Variants in CARS1 observed in about 807,000 individuals in gnomAD.
The protein encoded by CARS1 is cysteinyl-tRNA synthetase 1, also known as cysteine--tRNA ligase, cytoplasmic.
A neutral mutation model predicts 106.2 loss-of-function variants in CARS1; 48 were observed. The observed-to-expected ratio is 0.45, with a 90% CI of 0.36 to 0.57. The LOEUF (loss-of-function observed/expected upper bound fraction) is 0.57, where lower values mean the gene tolerates loss of function less well. Among genes scored for constraint, CARS1 ranks in the 20% least tolerant of loss-of-function variants. The pLI is 0.00. For missense variants in CARS1, 968 were observed against 1,057.2 expected (o/e 0.92, Z 1.17); for synonymous variants, 409 against 403.4 (o/e 1.01, Z -0.17).
intron 18 of CARS1, among the ~76,000 whole-genome samples, chr11:3,010,642 G>A (rs1456983572): frequency 6.6e-6 from 1 of 152,204 alleles, no homozygotes; most frequent in African/African-American, 2.4e-5. Flanking sequence ...AGCCCGGCCA[G>A]CCTCTCCTCT....
intron 21 of CARS1, 129 bp downstream of exon 21, chr11:3,002,412 G>C: frequency 6.6e-7 from 1 of 1,511,772 alleles, no homozygotes; most frequent in Middle Eastern, 2.5e-4. Flanking sequence ...GAGGCAGAAA[G>C]CGGAGCTCCT....
In CARS1 at chr11:3,030,532, G is replaced by C. The variant is rs1852621517; in HGVS notation, c.802-1089C>G. On this transcript the variant is annotated intron_variant, in intron 7 of 22. Coordinates refer to ENST00000380525, the MANE Select transcript of CARS1 (RefSeq NM_001014437.3). The surrounding 1 kb of genome is among the most constrained non-coding windows in gnomAD (Gnocchi z 5.7). Reference sequence around the variant, plus strand: ...AAAGCAAACACTGGGCCTGCCCCAAGTACAGGGAAACGCGCATCCTGGCCC... The same window carrying C: ...AAAGCAAACACTGGGCCTGCCCCAACTACAGGGAAACGCGCATCCTGGCCC... The C allele has an allele frequency of 6.6e-6, 1 of 152,228 alleles. No homozygotes were observed. The highest frequency in any genetic ancestry group is 1.5e-5 in the Non-Finnish European group (1 of 68,050). 9.4% of individuals were successfully genotyped at this position (152,228 alleles called of 1,614,324 possible).
rs1366531147 is a variant in CARS1 at position 3,043,142 on chromosome 11, C to G, written c.275-886G>C. ...AGACTTCCCTAGTTGTTCCCCTCCA[C>G]TCGCCTGTGGGCCGCCTGGGCTGCT... On this transcript the variant is annotated intron_variant, in intron 2 of 22. Coordinates refer to ENST00000380525, the MANE Select transcript of CARS1 (RefSeq NM_001014437.3). The surrounding 1 kb of genome is among the most constrained non-coding windows in gnomAD (Gnocchi z 4.0). Among the ~76,000 whole-genome samples, 1 of 152,216 alleles carries G rather than the reference C, an allele frequency of 6.6e-6. No homozygotes were observed. The highest frequency in any genetic ancestry group is 1.5e-5 in the Non-Finnish European group (1 of 68,030).
At chr11:3,042,666 T>C (rs1435593982) in intron 2 of CARS1, among the ~76,000 whole-genome samples, 1 of 152,206 alleles carries the variant, frequency 6.6e-6, no homozygotes, top group East Asian at 1.9e-4. Context: ...TTTCTGGCAG[T>C]GAGCACACCA....
At position 3,037,519 on chromosome 11, in the gene CARS1, G is replaced by A. The variant is rs1288492307; in HGVS notation, c.801+531C>T. Among the ~76,000 whole-genome samples, 1 of 152,244 alleles carries A rather than the reference G, an allele frequency of 6.6e-6. No homozygotes were observed. Among genetic ancestry groups the A allele is most frequent in the East Asian group, 1.9e-4 (1 of 5,198 alleles). Reference sequence around the variant, plus strand: ...GACTGTGTCCAGGGCGCCAGCCACAGGGAAAGGCCTGAGGAAGAGGGCAGG... The same window carrying A: ...GACTGTGTCCAGGGCGCCAGCCACAAGGAAAGGCCTGAGGAAGAGGGCAGG... On this transcript the variant is annotated intron_variant, in intron 7 of 22. Coordinates refer to ENST00000380525, the MANE Select transcript of CARS1 (RefSeq NM_001014437.3). The surrounding 1 kb of genome is among the most constrained non-coding windows in gnomAD (Gnocchi z 5.9).
Position 3,000,933 on chromosome 11 carries a change from T to C in CARS1, c.*181A>G. The C allele has an allele frequency of 1.5e-6, 1 of 672,888 alleles. No homozygotes were observed. Among genetic ancestry groups the C allele is most frequent in the Non-Finnish European group, 2.5e-6 (1 of 401,050 alleles). The allele number at this position is 672,888 out of a possible 1,614,324, so 41.7% of individuals were successfully genotyped here. A position where few individuals can be genotyped will look rare whatever the true frequency, so the allele number is the denominator to read the frequency against. ...CAGAACAAGACAGAGAGGGTCTCAC[T>C]GTTGAGAAAAATTTATTATCAATGT... On this transcript the variant is annotated 3_prime_UTR_variant, in exon 23 of 23. Transcript: ENST00000380525. This position sits in a 1 kb window ranked among gnomAD's most constrained non-coding sequence, Gnocchi z 7.1.
chr11:3,052,580 C>G lies in CARS1; in HGVS notation c.26-4579G>C, dbSNP rs1426231229. 6.6e-6 allele frequency among the ~76,000 whole-genome samples: 1 copy of G among 152,094 alleles called. No individual in the cohort carries two copies. Among genetic ancestry groups the G allele is most frequent in the Admixed American group, 6.5e-5 (1 of 15,284 alleles). The stretch of plus-strand genomic sequence containing the variant: ...TCTTAAATGTACCGTCTAGAGCAGG[C>G]TAGACGGCTCATCAAAAGGGAACCA... On this transcript the variant is annotated intron_variant, in intron 1 of 22. Transcript: ENST00000380525. The surrounding 1 kb of genome is among the most constrained non-coding windows in gnomAD (Gnocchi z 4.6).
rs566400064 is a variant in CARS1 at position 3,030,059 on chromosome 11, C to T, written c.802-616G>A. The T allele has an allele frequency of 2.6e-5, 4 of 152,480 alleles. No homozygotes were observed. The highest frequency in any genetic ancestry group is 2.0e-4 in the Admixed American group (3 of 15,292). 9.4% of individuals were successfully genotyped at this position (152,480 alleles called of 1,614,324 possible). A position where few individuals can be genotyped will look rare whatever the true frequency, so the allele number is the denominator to read the frequency against. On this transcript the variant is annotated intron_variant, in intron 7 of 22. Coordinates refer to ENST00000380525, the MANE Select transcript of CARS1 (RefSeq NM_001014437.3). This position sits in a 1 kb window ranked among gnomAD's most constrained non-coding sequence, Gnocchi z 5.7. ...CTAGGCATGAGACACGCCCCAACTG[C>T]ACTCATGTCAGAAAAGAGAAATGTC... is the stretch of plus-strand genomic sequence containing the variant.
Position 3,001,077 on chromosome 11 carries a change from A to G in CARS1, c.*37T>C. The stretch of plus-strand genomic sequence containing the variant: ...GTCACTGAGGCAGACAGCAGCCACT[A>G]GTCCACAATGGTTTAAAAAGTCAGT... On this transcript the variant is annotated 3_prime_UTR_variant, in exon 23 of 23. Coordinates refer to ENST00000380525, the MANE Select transcript of CARS1 (RefSeq NM_001014437.3). 2.5e-6 allele frequency: 4 copies of G among 1,608,976 alleles called. No individual in the cohort carries two copies. Among genetic ancestry groups the G allele is most frequent in the Non-Finnish European group, 3.4e-6 (4 of 1,176,356 alleles).
rs1852434428 is a variant in CARS1, at chr11:3,029,210, G to A, written c.942+93C>T. The A allele has an allele frequency of 2.0e-6, 3 of 1,498,858 alleles. No individual in the cohort carries two copies. The highest frequency in any genetic ancestry group is 2.8e-6 in the Non-Finnish European group (3 of 1,079,944). The allele number at this position is 1,498,858 out of a possible 1,614,324, so 92.8% of individuals were successfully genotyped here. ...TCAACTCAAGTTCAATGTTGACTTG[G>A]CCGCTTAATTGAGCTGGCCTTGCCA... On this transcript the variant is annotated intron_variant, in intron 8 of 22. Coordinates refer to ENST00000380525, the MANE Select transcript of CARS1 (RefSeq NM_001014437.3). This position sits in a 1 kb window ranked among gnomAD's most constrained non-coding sequence, Gnocchi z 5.9.
rs1851628654 is a variant in CARS1 at position 3,022,176 on chromosome 11, C to T, written c.1154-1844G>A. On this transcript the variant is annotated intron_variant, in intron 10 of 22. Transcript: ENST00000380525. This position sits in a 1 kb window ranked among gnomAD's most constrained non-coding sequence, Gnocchi z 4.9. ...ACTGAGAGTCACATAGCACGCTGAC[C>T]ACCTGCTCCACCACTGTTCCTAGCG... Among the ~76,000 whole-genome samples the T allele has an allele frequency of 6.6e-6, 1 of 152,206 alleles. No individual in the cohort carries two copies. Among genetic ancestry groups the T allele is most frequent in the Non-Finnish European group, 1.5e-5 (1 of 68,038 alleles).
In CARS1 at chr11:3,034,694, T is replaced by A. The variant is rs1345628127; in HGVS notation, c.801+3356A>T. Among the ~76,000 whole-genome samples the A allele has an allele frequency of 6.6e-6, 1 of 151,514 alleles. No individual in the cohort carries two copies. Among genetic ancestry groups the A allele is most frequent in the Non-Finnish European group, 1.5e-5 (1 of 67,922 alleles). On this transcript the variant is annotated intron_variant, in intron 7 of 22. Coordinates refer to ENST00000380525, the MANE Select transcript of CARS1 (RefSeq NM_001014437.3). The surrounding 1 kb of genome is among the most constrained non-coding windows in gnomAD (Gnocchi z 6.3). Reference sequence around the variant, plus strand: ...ACAGGCACACGCCACAACACCCAGCTAATTTTTTTTTTTTTATTTTTAGTA... The same window carrying A: ...ACAGGCACACGCCACAACACCCAGCAAATTTTTTTTTTTTTATTTTTAGTA...
chr11:3,011,293 A>C (rs961012246), intron 18 of CARS1, among the ~76,000 whole-genome samples: 5 of 152,216 alleles, frequency 3.3e-5, no homozygotes, highest in Non-Finnish European at 5.9e-5. Flanking sequence ...TAAACCACAC[A>C]CATCTCAGAA....
chr11:3,031,898 T>C (rs762720795), intron 7 of CARS1, among the ~76,000 whole-genome samples: 1 of 152,092 alleles, frequency 6.6e-6, no homozygotes, highest in Non-Finnish European at 1.5e-5. Context: ...ACAGTGAATA[T>C]TGGAGAAAAA....
intron 7 of CARS1, chr11:3,031,563 C>T (rs1852763737): frequency 6.6e-6 from 1 of 152,262 alleles, no homozygotes; most frequent in South Asian, 2.1e-4. Context: ...AGTTGCCACT[C>T]TACCTAACAA....
chr11:3,040,499 G>A lies in CARS1; in HGVS notation c.455+397C>T, dbSNP rs1854299810. On this transcript the variant is annotated intron_variant, in intron 4 of 22. Coordinates refer to ENST00000380525, the MANE Select transcript of CARS1 (RefSeq NM_001014437.3). The surrounding 1 kb of genome is among the most constrained non-coding windows in gnomAD (Gnocchi z 5.8). ...CTACAGCCATGACCATCCAGTGGTC[G>A]GGGGGCGGTCACAGCCAACCCAGCG... 4.2e-6 allele frequency: 2 copies of A among 473,196 alleles called. No individual in the cohort carries two copies. The highest frequency in any genetic ancestry group is 2.3e-5 in the Admixed American group (1 of 42,948). The allele number at this position is 473,196 out of a possible 1,614,324, so 29.3% of individuals were successfully genotyped here.
rs1554960209 is a variant in CARS1 at position 3,005,476 on chromosome 11, G to A, written c.2150-43C>T. ...TGTGAGAAGAGTCTGGGCTCTGTGG[G>A]CCGTCCCCACTGCGGGGCCAGCCCT... On this transcript the variant is annotated intron_variant, in intron 19 of 22. Coordinates refer to ENST00000380525, the MANE Select transcript of CARS1 (RefSeq NM_001014437.3). The A allele has an allele frequency of 3.2e-6, 5 of 1,538,928 alleles. No individual in the cohort carries two copies. In the East Asian group the frequency reaches 9.0e-5, roughly 28 times the overall value.
rs535468418 is a variant in CARS1 at position 3,043,601 on chromosome 11, G to A, written c.275-1345C>T. Among the ~76,000 whole-genome samples the A allele has an allele frequency of 6.6e-6, 1 of 151,644 alleles. No individual in the cohort carries two copies. Among genetic ancestry groups the A allele is most frequent in the South Asian group, 2.1e-4 (1 of 4,782 alleles). ...AGCAGGCCGCCTGGCAGCTCACCAG[G>A]GTGCTCGCATCCTGCCTCCTCCTGT... On this transcript the variant is annotated intron_variant, in intron 2 of 22. Transcript: ENST00000380525. The surrounding 1 kb of genome is among the most constrained non-coding windows in gnomAD (Gnocchi z 4.0).
intron 17 of CARS1, among the ~76,000 whole-genome samples, chr11:3,014,291 C>G (rs542947956): frequency 4.6e-5 from 7 of 152,348 alleles, no homozygotes; most frequent in African/African-American, 1.7e-4. Context: ...TGAGGTGGTA[C>G]AAGATGGAGG....
Sources: gnomAD v4.1 joint callset for allele counts (sites outside exome capture counted in the v4.1 genomes callset) on GRCh38, gnomAD v4.1.1 for gene constraint, Gnocchi (gnomAD v3.1) non-coding constraint, MANE v1.5 for transcripts, NCBI Gene and HGNC (gene_info 2026-07-23, HGNC 2026-07-21) for gene names.